LARP1B: variants seen among roughly 807,000 people sequenced by gnomAD.
LARP1B encodes the protein La ribonucleoprotein 1B, also known as la-related protein 1B.
In LARP1B, 76 loss-of-function variants were observed where a neutral mutation model predicts 114.2. The ratio of observed to expected loss-of-function variants is 0.67; its 90% CI spans 0.55 to 0.81. The LOEUF (loss-of-function observed/expected upper bound fraction) is 0.81. LARP1B is among the 30% of genes least tolerant of loss of function. LARP1B has a pLI of 0.00. For synonymous variants in LARP1B, 345 were observed against 348.0 expected (o/e 0.99, Z 0.10); for missense variants, 1,014 against 1,075.8 (o/e 0.94, Z 0.80).
chr4:128,122,359 C>T (rs193104615), intron 11 of LARP1B, 171 bp downstream of exon 11: 212 of 1,453,788 alleles, frequency 1.5e-4, no homozygotes, highest in Admixed American at 1.3e-4. Flanking sequence ...CCTGAGGAAT[C>T]GTTTTATTTT....
At chr4:128,221,465 A>G (rs1760027428) in intron 7 of LARP1B, among the ~76,000 whole-genome samples, 1 of 152,178 alleles carries the variant, frequency 6.6e-6, no homozygotes, top group Non-Finnish European at 1.5e-5. Context: ...TTGCAAATTG[A>G]GAAATACTTT....
chr4:128,062,209 C>T (rs1760413529), intron 1 of LARP1B: 5 of 985,456 alleles, frequency 5.1e-6, no homozygotes, highest in Non-Finnish European at 6.0e-6. Flanking sequence ...CGCTGGAAAC[C>T]CTGGAGGCAG....
chr4:128,183,916 C>T (rs1203512141), intron 15 of LARP1B, among the ~76,000 whole-genome samples: 1 of 152,136 alleles, frequency 6.6e-6, no homozygotes, highest in Admixed American at 6.5e-5. Flanking sequence ...GATTTAATTA[C>T]AGATGTGGTG....
chr4:128,222,402 G>A (rs766273295), exon 8 of LARP1B: 20 of 456,510 alleles, frequency 4.4e-5, no homozygotes, highest in Middle Eastern at 3.3e-4. Context: ...TCCTAAGCAG[G>A]ATATGAGAAT....
At chr4:128,112,727 G>GC (rs1215201179) in intron 9 of LARP1B, among the ~76,000 whole-genome samples, 2 of 151,962 alleles carry the variant, frequency 1.3e-5, no homozygotes, top group East Asian at 3.9e-4. Context: ...GCCCACCTCG[G>GC]CCCCCCAAAG....
At chr4:128,154,208 ACC>A (rs931070003) in intron 11 of LARP1B, among the ~76,000 whole-genome samples, 1 of 152,118 alleles carries the variant, frequency 6.6e-6, no homozygotes, top group Non-Finnish European at 1.5e-5. Flanking sequence ...GCTTTTCTTT[ACC>A]CCTATCTTTG....
chr4:128,060,976 C>A (rs1398814601), upstream of LARP1B, among the ~76,000 whole-genome samples: 1 of 152,098 alleles, frequency 6.6e-6, no homozygotes, highest in East Asian at 1.9e-4. Flanking sequence ...TGTGCGCGGC[C>A]CGCCCAGGCC....
In LARP1B at chr4:128,206,242, A is replaced by C. The variant is rs539403076; in HGVS notation, c.2310-186A>C. On this transcript the variant is annotated intron_variant, in intron 17 of 19. Coordinates refer to ENST00000326639, the MANE Select transcript of LARP1B (RefSeq NM_018078.4). ...GGGAGGCGGAGGTTGCAGTGAGCCG[A>C]GGTCGCACCATTGCACTCCAGCCTG... 1.9e-4 allele frequency among the ~76,000 whole-genome samples: 29 copies of C among 152,312 alleles called. No homozygotes were observed. The South Asian group carries it at 5.8e-3, about 30-fold the overall frequency.
intron 4 of LARP1B, among the ~76,000 whole-genome samples, chr4:128,078,289 T>G (rs2149423061): frequency 6.6e-6 from 1 of 152,264 alleles, no homozygotes; most frequent in Middle Eastern, 3.4e-3. Context: ...TAGGGAGTAC[T>G]GTGAAAATTA....
At chr4:128,181,629 T>C (rs1380352775) in intron 15 of LARP1B, among the ~76,000 whole-genome samples, 3 of 152,198 alleles carry the variant, frequency 2.0e-5, no homozygotes, top group Non-Finnish European at 4.4e-5. Flanking sequence ...AGGTATACTT[T>C]GTTTTGTTGT....
At chr4:128,168,336 G>A (rs1233460057) in intron 12 of LARP1B, among the ~76,000 whole-genome samples, 3 of 151,816 alleles carry the variant, frequency 2.0e-5, no homozygotes, top group Middle Eastern at 3.4e-3. Context: ...GACTGATGCT[G>A]TTGAGTATCT....
At chr4:128,114,150 G>C (rs1326889875) in intron 9 of LARP1B, among the ~76,000 whole-genome samples, 2 of 152,300 alleles carry the variant, frequency 1.3e-5, no homozygotes, top group East Asian at 1.9e-4. Flanking sequence ...AGTAGAACAA[G>C]AGACTAATTT....
intron 1 of LARP1B, among the ~76,000 whole-genome samples, chr4:128,071,094 T>C (rs1328285637): frequency 1.3e-5 from 2 of 152,148 alleles, no homozygotes; most frequent in Non-Finnish European, 2.9e-5. Flanking sequence ...TCGCCCAGGC[T>C]GGAGTGCAGT....
Position 128,078,898 on chromosome 4 carries a change from C to A in LARP1B, c.217+936C>A, listed in dbSNP as rs182530831. Among the ~76,000 whole-genome samples, 4 of 152,098 alleles carry A rather than the reference C, an allele frequency of 2.6e-5. No individual in the cohort carries two copies. In the East Asian group the frequency reaches 7.7e-4, roughly 29 times the overall value. ...GAGTAGCAGGAGGTGAGGTTAGAGACATAGATAGACAACGTCCATGGTATA... is the reference window on the plus strand; with the variant it reads ...GAGTAGCAGGAGGTGAGGTTAGAGAAATAGATAGACAACGTCCATGGTATA... On this transcript the variant is annotated intron_variant, in intron 4 of 19. Coordinates refer to ENST00000326639, the MANE Select transcript of LARP1B (RefSeq NM_018078.4).
intron 1 of LARP1B, among the ~76,000 whole-genome samples, chr4:128,072,964 C>T (rs941239589): frequency 2.0e-5 from 3 of 152,092 alleles, no homozygotes; most frequent in Admixed American, 2.0e-4. Context: ...TGTATTATTA[C>T]GTAGAGACTG....
chr4:128,096,117 C>G (rs1429272599), intron 7 of LARP1B, among the ~76,000 whole-genome samples: 3 of 151,968 alleles, frequency 2.0e-5, no homozygotes, highest in South Asian at 4.1e-4. Flanking sequence ...CCTCAGCCTC[C>G]CACGTAGCTG....
chr4:128,150,085 A>C (rs564801451), intron 11 of LARP1B, among the ~76,000 whole-genome samples: 2 of 152,156 alleles, frequency 1.3e-5, no homozygotes, highest in Admixed American at 1.3e-4. Flanking sequence ...CGGGAGGCGG[A>C]GGTTGCAGTG....
intron 11 of LARP1B, among the ~76,000 whole-genome samples, chr4:128,150,582 T>C (rs1360115961): frequency 3.3e-5 from 5 of 152,124 alleles, no homozygotes; most frequent in Non-Finnish European, 5.9e-5. Context: ...TGTGAGCCAC[T>C]GCACCCAACC....
At chr4:128,115,429 T>G (rs1227939145) in intron 10 of LARP1B, among the ~76,000 whole-genome samples, 2 of 151,930 alleles carry the variant, frequency 1.3e-5, no homozygotes, top group Non-Finnish European at 2.9e-5. Context: ...TAATGCTAAT[T>G]TTTTGGTGGA....
Sources: gnomAD v4.1 joint callset for allele counts (sites outside exome capture counted in the v4.1 genomes callset) on GRCh38, gnomAD v4.1.1 for gene constraint, MANE v1.5 for transcripts, NCBI Gene and HGNC (gene_info 2026-07-23, HGNC 2026-07-21) for gene names.